C21orf58: variants seen among roughly 807,000 people sequenced by gnomAD.
C21orf58 encodes the protein chromosome 21 open reading frame 58, also known as uncharacterized protein C21orf58.
In C21orf58, 34 loss-of-function variants were observed where a neutral mutation model predicts 35.8. That is an observed-to-expected ratio of 0.95 (90% CI 0.72 to 1.26). The LOEUF (loss-of-function observed/expected upper bound fraction) is 1.26. Ranked by LOEUF, C21orf58 falls within the 50% of genes most tolerant of loss-of-function variation. The probability of loss-of-function intolerance (pLI) is 0.00; values close to 1 mark genes in which losing one functional copy is unlikely to be tolerated. For synonymous variants in C21orf58, 191 were observed against 175.8 expected (o/e 1.09, Z -0.68); for missense variants, 440 against 414.3 (o/e 1.06, Z -0.54).
rs1569116078 is a variant in C21orf58, at chr21:46,303,723, ATATATATATATATATATATATATTTT to A, written c.722-1173_722-1148del. Among the ~76,000 whole-genome samples the A allele has an allele frequency of 3.1e-4, 7 of 22,638 alleles. No homozygotes were observed. The East Asian group carries it at 5.0e-3, about 16-fold the overall frequency. The allele number at this position is 22,638 out of a possible 152,430, so 14.9% of individuals were successfully genotyped here. ...ACACACACAAAATATATATATATAT[ATATATATATATATATATATATATTTT>A]TTTTTTTTTTTTTTTTTTTGGAGAC... is the stretch of plus-strand genomic sequence containing the variant. On this transcript the variant is annotated intron_variant, in intron 6 of 7. Transcript: ENST00000291691.
At chr21:46,305,210 A>T (rs1156340252) in intron 6 of C21orf58, among the ~76,000 whole-genome samples, 1 of 151,876 alleles carries the variant, frequency 6.6e-6, no homozygotes, top group Non-Finnish European at 1.5e-5. Flanking sequence ...TGAGATTTGC[A>T]AGATAAAAAT....
intron 1 of C21orf58, among the ~76,000 whole-genome samples, chr21:46,321,167 T>A (rs1306276033): frequency 6.6e-6 from 1 of 151,944 alleles, no homozygotes; most frequent in African/African-American, 2.4e-5. Context: ...ACATATGTTA[T>A]ATATATATAT....
chr21:46,300,619 C>G, downstream of C21orf58: 1 of 1,204,010 alleles, frequency 8.3e-7, no homozygotes, highest in Non-Finnish European at 1.1e-6. Context: ...TGCGCTGGGC[C>G]CTTCGGTGTT....
intron 5 of C21orf58, among the ~76,000 whole-genome samples, chr21:46,312,711 G>C (rs1168975198): frequency 6.6e-6 from 1 of 152,230 alleles, no homozygotes; most frequent in Admixed American, 6.5e-5. Flanking sequence ...TAGAGATGCA[G>C]TGGTGGCTCA....
Position 46,318,272 on chromosome 21 carries a change from G to A in C21orf58, c.101-52C>T, listed in dbSNP as rs757693743. The A allele has an allele frequency of 5.0e-6, 8 of 1,603,736 alleles. No individual in the cohort carries two copies. In the African/African-American group the frequency reaches 9.4e-5, roughly 19 times the overall value. Reference sequence around the variant, plus strand: ...AAGATAGCCACACCCTCCCTGGACTGCAGTGCCCCAGAAGCCAGCGCTGGG... The same window carrying A: ...AAGATAGCCACACCCTCCCTGGACTACAGTGCCCCAGAAGCCAGCGCTGGG... On this transcript the variant is annotated intron_variant, in intron 1 of 7. Coordinates refer to ENST00000291691, the MANE Select transcript of C21orf58 (RefSeq NM_058180.5).
At chr21:46,318,425 CA>C in intron 1 of C21orf58, 1 of 1,426,196 alleles carries the variant, frequency 7.0e-7, no homozygotes. Context: ...CATGGGAAGG[CA>C]AAAAAGTGGG....
intron 1 of C21orf58, chr21:46,318,845 G>A (rs1427935516): frequency 1.2e-5 from 12 of 987,132 alleles, no homozygotes; most frequent in African/African-American, 3.5e-5. Flanking sequence ...AGAGGGTGAC[G>A]CAAAACAGGA....
intron 6 of C21orf58, among the ~76,000 whole-genome samples, chr21:46,303,130 C>CTCCA (rs2082202538): frequency 6.6e-6 from 1 of 151,932 alleles, no homozygotes. Flanking sequence ...TGCCACTGTA[C>CTCCA]TCCAGCCTGG....
chr21:46,309,735 G>A (rs757416197), intron 6 of C21orf58, among the ~76,000 whole-genome samples: 1 of 152,096 alleles, frequency 6.6e-6, no homozygotes, highest in Non-Finnish European at 1.5e-5. Context: ...GGTGGCCCAC[G>A]CCTATAATCC....
chr21:46,317,214 C>G lies in C21orf58; in HGVS notation c.364G>C (p.Glu122Gln). ...GCAGCCCAGGGGCTCTCACCTGGCTCGAGGTGGAGGCCCTCAGGTCCCCCT... is the reference window on the plus strand; with the variant it reads ...GCAGCCCAGGGGCTCTCACCTGGCTGGAGGTGGAGGCCCTCAGGTCCCCCT... ...VEGGPEGLHLEPGNEDRPDDA... is the reference protein window; with the variant it reads ...VEGGPEGLHLQPGNEDRPDDA... Residue 122 changes from glutamate to glutamine, a missense_variant, in exon 3 of 8, where the codon GAG becomes CAG. Transcript: ENST00000291691. 1 of 1,610,698 alleles carries G rather than the reference C, an allele frequency of 6.2e-7. No homozygotes were observed. The highest frequency in any genetic ancestry group is 8.5e-7 in the Non-Finnish European group (1 of 1,179,516).
At chr21:46,308,541 A>G (rs2082528306) in intron 6 of C21orf58, among the ~76,000 whole-genome samples, 1 of 152,190 alleles carries the variant, frequency 6.6e-6, no homozygotes, top group African/African-American at 2.4e-5. Context: ...GCATACATCC[A>G]CAGAAAGACT....
Position 46,301,415 on chromosome 21 carries a change from G to A in C21orf58, c.*584C>T, listed in dbSNP as rs550952174. 18 of 943,596 alleles carry A rather than the reference G, an allele frequency of 1.9e-5. 1 individual carries two copies. The African/African-American group carries it at 2.8e-4, about 15-fold the overall frequency. The allele number at this position is 943,596 out of a possible 1,614,324, so 58.5% of individuals were successfully genotyped here. ...TCCTGCCTCAGCCTCTTAAAGTGCT[G>A]GGATTACAGGCATGAGCCATGCACC... On this transcript the variant is annotated 3_prime_UTR_variant, in exon 8 of 8. Transcript: ENST00000291691.
rs1021833980 is a variant in C21orf58 at position 46,323,754 on chromosome 21, C to A, written c.-1016G>T. Reference sequence around the variant, plus strand: ...CGGGAGAAAACGGCCTGGCCCTGTCCGGGTGGTTGCTGAGCACCGTTCGGC... The same window carrying A: ...CGGGAGAAAACGGCCTGGCCCTGTCAGGGTGGTTGCTGAGCACCGTTCGGC... On this transcript the variant is annotated 5_prime_UTR_variant, in exon 1 of 8. Coordinates refer to ENST00000291691, the MANE Select transcript of C21orf58 (RefSeq NM_058180.5). 3.9e-6 allele frequency: 1 copy of A among 256,842 alleles called. No homozygotes were observed. The highest frequency in any genetic ancestry group is 7.7e-6 in the Non-Finnish European group (1 of 130,220). The allele number at this position is 256,842 out of a possible 1,614,324, so 15.9% of individuals were successfully genotyped here. A position where few individuals can be genotyped will look rare whatever the true frequency, so the allele number is the denominator to read the frequency against.
At chr21:46,302,224 C>G in intron 7 of C21orf58, 70 bp from the exon 8 acceptor site, 2 of 1,432,068 alleles carry the variant, frequency 1.4e-6, no homozygotes, top group South Asian at 3.0e-5. Flanking sequence ...CGCCCTGTTC[C>G]TAACTGGGGC....
Position 46,318,219 on chromosome 21 carries a change from G to A in C21orf58, c.102C>T (p.Gly34=). Reference sequence around the variant, plus strand: ...GGCGGGCCTTACCTCCTGGAGACCAGCCTGAGGGAAGAGAAGAGCCCTGTG... The same window carrying A: ...GGCGGGCCTTACCTCCTGGAGACCAACCTGAGGGAAGAGAAGAGCCCTGTG... ...SPDSGHSLLC[G]WSPGGKARPA... Residue 34 remains glycine, a splice_region_variant and synonymous_variant, in exon 2 of 8, where the codon GGC becomes GGT. Coordinates refer to ENST00000291691, the MANE Select transcript of C21orf58 (RefSeq NM_058180.5). 1 of 1,612,006 alleles carries A rather than the reference G, an allele frequency of 6.2e-7. No homozygotes were observed. Among genetic ancestry groups the A allele is most frequent in the African/African-American group, 1.3e-5 (1 of 75,028 alleles).
At chr21:46,305,054 G>C (rs1045739804) in intron 6 of C21orf58, among the ~76,000 whole-genome samples, 1 of 152,206 alleles carries the variant, frequency 6.6e-6, no homozygotes, top group Non-Finnish European at 1.5e-5. Context: ...CTGGCAGGTG[G>C]GGATGATGTA....
intron 6 of C21orf58, among the ~76,000 whole-genome samples, chr21:46,308,893 C>A (rs1399205932): frequency 6.6e-6 from 1 of 152,194 alleles, no homozygotes; most frequent in Non-Finnish European, 1.5e-5. Context: ...GCACACTCAG[C>A]CCCCTTGCCA....
chr21:46,316,213 T>C (rs75931940), intron 3 of C21orf58, among the ~76,000 whole-genome samples: 1 of 151,180 alleles, frequency 6.6e-6, no homozygotes, highest in East Asian at 1.9e-4. Context: ...CTCAGCACTT[T>C]AGGAGGCCGA....
In C21orf58 at chr21:46,301,287, G is replaced by A. The variant is rs2082098313; in HGVS notation, c.*712C>T. On this transcript the variant is annotated 3_prime_UTR_variant, in exon 8 of 8. Transcript: ENST00000291691. ...CCCCAGAGCTGCTGAGATAACAGGC[G>A]CATATCACCACACCTGGCTAGTTTT... 7.8e-6 allele frequency: 2 copies of A among 254,876 alleles called. No homozygotes were observed. The highest frequency in any genetic ancestry group is 1.2e-5 in the Non-Finnish European group (2 of 162,140). The allele number at this position is 254,876 out of a possible 1,614,324, so 15.8% of individuals were successfully genotyped here.
Sources: allele counts gnomAD v4.1 joint callset (sites outside exome capture counted in the v4.1 genomes callset), GRCh38; gene constraint gnomAD v4.1.1; transcripts MANE v1.5; gene names NCBI Gene and HGNC (gene_info 2026-07-23, HGNC 2026-07-21).